The following SNTG1 variants were observed in gnomAD, a reference collection of about 807,000 sequenced individuals.
SNTG1 encodes syntrophin gamma 1.
A neutral mutation model predicts 74.7 loss-of-function variants in SNTG1; 39 were observed. The observed-to-expected ratio is 0.52, with a 90% CI of 0.40 to 0.68. The LOEUF is 0.68. Among genes scored for constraint, SNTG1 ranks in the 30% least tolerant of loss-of-function variants. The pLI is 0.00. For synonymous variants in SNTG1, 254 were observed against 217.1 expected (o/e 1.17, Z -1.49); for missense variants, 685 against 609.5 (o/e 1.12, Z -1.30).
At chr8:50,764,378 G>A (rs1307019491) in intron 18 of SNTG1, among the ~76,000 whole-genome samples, 1 of 151,898 alleles carries the variant, frequency 6.6e-6, no homozygotes, top group Non-Finnish European at 1.5e-5. Flanking sequence ...ATGTGATAAG[G>A]TGTTAGTAAT....
intron 5 of SNTG1, among the ~76,000 whole-genome samples, chr8:50,439,916 A>G (rs1219231748): frequency 6.6e-6 from 1 of 151,414 alleles, no homozygotes. Context: ...TCACCTAGAA[A>G]TGTTCTTTTC....
chr8:50,449,828 C>T, intron 6 of SNTG1, 103 bp downstream of exon 6: 1 of 1,009,142 alleles, frequency 9.9e-7, no homozygotes, highest in Non-Finnish European at 1.4e-6. Flanking sequence ...GATTGACTGG[C>T]TCCAGCTTCC....
At chr8:50,317,555 G>A (rs181202547) in intron 2 of SNTG1, among the ~76,000 whole-genome samples, 1 of 152,298 alleles carries the variant, frequency 6.6e-6, no homozygotes, top group Admixed American at 6.5e-5. Flanking sequence ...CAGGATGATG[G>A]TGTATGAAAC....
At chr8:50,142,847 G>T (rs1005869234) in intron 1 of SNTG1, among the ~76,000 whole-genome samples, 12 of 152,062 alleles carry the variant, frequency 7.9e-5, no homozygotes, top group Admixed American at 7.2e-4. Context: ...CAAGGCGGGT[G>T]GATCACCTGA....
intron 1 of SNTG1, among the ~76,000 whole-genome samples, chr8:49,994,661 A>G (rs1478352970): frequency 1.3e-5 from 2 of 152,078 alleles, no homozygotes; most frequent in Non-Finnish European, 2.9e-5. Flanking sequence ...AAACTGTTAA[A>G]TATTATGTAA....
chr8:50,272,460 C>G (rs2087834350), intron 2 of SNTG1, among the ~76,000 whole-genome samples: 1 of 152,152 alleles, frequency 6.6e-6, no homozygotes, highest in African/African-American at 2.4e-5. Flanking sequence ...TGTGCCATAA[C>G]AAAGAGACCT....
At chr8:50,553,010 G>T (rs2094435999) in intron 11 of SNTG1, 40 bp from the exon 12 acceptor site, 1 of 1,609,482 alleles carries the variant, frequency 6.2e-7, no homozygotes, top group African/African-American at 1.3e-5. Flanking sequence ...ATAGATCAAT[G>T]ACATGAGGTT....
intron 2 of SNTG1, among the ~76,000 whole-genome samples, chr8:50,270,656 C>T (rs1192865504): frequency 6.6e-6 from 1 of 152,180 alleles, no homozygotes; most frequent in Non-Finnish European, 1.5e-5. Context: ...ATTCAGGTCT[C>T]TGTTGTCATT....
chr8:50,279,858 C>A (rs1174050164), intron 2 of SNTG1, among the ~76,000 whole-genome samples: 7 of 152,156 alleles, frequency 4.6e-5, no homozygotes, highest in Non-Finnish European at 2.9e-5. Context: ...AGAACAAAGT[C>A]TGTTATGTGG....
rs536172684 is a variant in SNTG1 at position 50,083,140 on chromosome 8, G to T, written c.-102-89421G>T. Among the ~76,000 whole-genome samples, 12 of 152,252 alleles carry T rather than the reference G, an allele frequency of 7.9e-5. No homozygotes were observed. The East Asian group carries it at 2.3e-3, about 29-fold the overall frequency. On this transcript the variant is annotated intron_variant, in intron 1 of 18. Coordinates refer to ENST00000642720, the MANE Select transcript of SNTG1 (RefSeq NM_018967.5). ...TGGATGAAGCAATCACAGACTGTTA[G>T]GCAAGATTTTTAACTATTCTTAGCT...
At chr8:50,548,193 G>A (rs1382453118) in intron 11 of SNTG1, among the ~76,000 whole-genome samples, 2 of 152,152 alleles carry the variant, frequency 1.3e-5, no homozygotes, top group African/African-American at 4.8e-5. Flanking sequence ...TTGAGGGCTG[G>A]GAAGTAGTAA....
chr8:50,524,648 A>C (rs1376550757), intron 9 of SNTG1, among the ~76,000 whole-genome samples: 2 of 150,714 alleles, frequency 1.3e-5, no homozygotes, highest in African/African-American at 5.0e-5. Flanking sequence ...CACAACAATA[A>C]AAATAATACA....
chr8:50,033,146 G>A (rs7816568), intron 1 of SNTG1, among the ~76,000 whole-genome samples: 6 of 149,328 alleles, frequency 4.0e-5, no homozygotes, highest in East Asian at 2.0e-4. Flanking sequence ...ACGGAGTTTC[G>A]CTCTTGTTGC....
At chr8:50,569,518 AAAAT>A (rs1381892213) in intron 12 of SNTG1, among the ~76,000 whole-genome samples, 3 of 151,734 alleles carry the variant, frequency 2.0e-5, no homozygotes, top group Non-Finnish European at 4.4e-5. Flanking sequence ...AAGCAAAAAA[AAAAT>A]CAAAAAACAA....
At chr8:50,006,027 A>G (rs1012755152) in intron 1 of SNTG1, among the ~76,000 whole-genome samples, 2 of 125,880 alleles carry the variant, frequency 1.6e-5, no homozygotes, top group Non-Finnish European at 3.1e-5. Flanking sequence ...TGCAGTGGCC[A>G]TCTGGGCTCA....
intron 2 of SNTG1, among the ~76,000 whole-genome samples, chr8:50,209,582 C>A (rs7818774): frequency 0.022 from 3,342 of 152,278 alleles, 138 homozygotes; most frequent in African/African-American, 0.072. Context: ...TGCTCTGCAG[C>A]CTCCGCTGGT....
At chr8:50,495,193 C>G (rs763709910) in intron 8 of SNTG1, among the ~76,000 whole-genome samples, 2 of 151,996 alleles carry the variant, frequency 1.3e-5, no homozygotes, top group Non-Finnish European at 2.9e-5. Flanking sequence ...AAAATTTAGA[C>G]TAGAAATGCC....
At chr8:50,068,320 T>C (rs952157509) in intron 1 of SNTG1, among the ~76,000 whole-genome samples, 1 of 152,198 alleles carries the variant, frequency 6.6e-6, no homozygotes, top group Non-Finnish European at 1.5e-5. Context: ...TCCTTGTTAA[T>C]TGTAGCTTTT....
intron 2 of SNTG1, among the ~76,000 whole-genome samples, chr8:50,352,058 T>C (rs1272352836): frequency 1.3e-5 from 2 of 152,176 alleles, no homozygotes; most frequent in African/African-American, 4.8e-5. Context: ...AGCATAACCA[T>C]GCTTTTCTTT....
Sources: gnomAD v4.1 joint callset for allele counts (sites outside exome capture counted in the v4.1 genomes callset) on GRCh38, gnomAD v4.1.1 for gene constraint, MANE v1.5 for transcripts, NCBI Gene and HGNC (gene_info 2026-07-23, HGNC 2026-07-21) for gene names.